SWT1: variants seen among roughly 807,000 people sequenced by gnomAD.
SWT1 encodes the protein transcriptional protein SWT1.
In SWT1, 33 loss-of-function variants were observed where a neutral mutation model predicts 107.3. The ratio of observed to expected loss-of-function variants is 0.31; its 90% confidence interval spans 0.23 to 0.41. The LOEUF (loss-of-function observed/expected upper bound fraction) is 0.41. SWT1 is among the 10% of genes least tolerant of loss of function. The probability of loss-of-function intolerance (pLI) is 1.00; values close to 1 mark genes in which losing one functional copy is unlikely to be tolerated. For missense variants in SWT1, 898 were observed against 1,028.9 expected (o/e 0.87, Z 1.74); for synonymous variants, 345 against 348.3 (o/e 0.99, Z 0.11).
At chr1:185,187,566 G>T (rs1347319082) in intron 9 of SWT1, among the ~76,000 whole-genome samples, 2 of 152,028 alleles carry the variant, frequency 1.3e-5, no homozygotes, top group East Asian at 3.9e-4. Context: ...CTGTTGAGGA[G>T]GTTAAATTCT....
intron 16 of SWT1, among the ~76,000 whole-genome samples, chr1:185,269,781 T>C (rs994787718): frequency 2.0e-5 from 3 of 152,232 alleles, no homozygotes; most frequent in African/African-American, 4.8e-5. Flanking sequence ...TTCCAACTTA[T>C]AATGGTTTGT....
At chr1:185,229,317 G>T (rs149482980) in intron 15 of SWT1, among the ~76,000 whole-genome samples, 17 of 152,218 alleles carry the variant, frequency 1.1e-4, no homozygotes, top group Non-Finnish European at 8.8e-5. Context: ...CAGCTCAAGA[G>T]ACAGGAGCAA....
At position 185,276,675 on chromosome 1, in the gene SWT1, C is replaced by A; in HGVS notation, c.2573+7C>A. On this transcript the variant is annotated splice_region_variant and intron_variant, in intron 18 of 18. Transcript: ENST00000367500. The stretch of plus-strand genomic sequence containing the variant: ...TTTCTCAGACTGAGTATAGGTAAGT[C>A]ATATCTATATATAGATATAAACCAT... 1 of 1,501,742 alleles carries A rather than the reference C, an allele frequency of 6.7e-7. No homozygotes were observed. Among genetic ancestry groups the A allele is most frequent in the South Asian group, 1.2e-5 (1 of 84,978 alleles). 93.0% of individuals were successfully genotyped at this position (1,501,742 alleles called of 1,614,324 possible).
intron 5 of SWT1, among the ~76,000 whole-genome samples, chr1:185,175,806 G>A (rs1655497835): frequency 6.6e-6 from 1 of 152,174 alleles, no homozygotes; most frequent in Admixed American, 6.5e-5. Context: ...GTGTCACCGT[G>A]TACCAGGCAC....
At chr1:185,237,234 A>G (rs1262237749) in intron 16 of SWT1, among the ~76,000 whole-genome samples, 2 of 152,210 alleles carry the variant, frequency 1.3e-5, no homozygotes, top group African/African-American at 2.4e-5. Flanking sequence ...TCATTCCACT[A>G]TAAAAACACA....
chr1:185,215,457 A>G (rs1659144208), intron 14 of SWT1, among the ~76,000 whole-genome samples: 2 of 152,190 alleles, frequency 1.3e-5, no homozygotes, highest in South Asian at 4.1e-4. Context: ...CAATTTGTGA[A>G]GTTTTTAACA....
chr1:185,174,516 C>T lies in SWT1; in HGVS notation c.369C>T (p.Asp123=). The T allele has an allele frequency of 1.2e-6, 2 of 1,610,992 alleles. No individual in the cohort carries two copies. The highest frequency in any genetic ancestry group is 1.7e-6 in the Non-Finnish European group (2 of 1,178,976). The change falls in exon 5 of 19, where the codon GAC becomes GAT. Residue 123 remains aspartate (D), a synonymous_variant. Coordinates refer to ENST00000367500, the MANE Select transcript of SWT1 (RefSeq NM_017673.7). ...CTTCTTCAAATGGAACTAAAAAAGA[C>T]ATACATAAATGTGTAGACTTTAAAC... The part of the protein sequence containing the change: ...QSPSSNGTKK[D]IHKCVDFKPK...
intron 12 of SWT1, 92 bp from the exon 13 acceptor site, chr1:185,206,533 T>G: frequency 2.9e-6 from 2 of 701,414 alleles, no homozygotes; most frequent in East Asian, 3.2e-5. Flanking sequence ...TATATTTTGC[T>G]CAAAATATAT....
chr1:185,240,487 C>T (rs1404575472), intron 16 of SWT1, among the ~76,000 whole-genome samples: 3 of 151,932 alleles, frequency 2.0e-5, no homozygotes, highest in South Asian at 2.1e-4. Flanking sequence ...AAAGATATCT[C>T]AAGTGTATAT....
chr1:185,270,942 A>G (rs1000023157), intron 16 of SWT1, among the ~76,000 whole-genome samples: 6 of 152,198 alleles, frequency 3.9e-5, no homozygotes, highest in Non-Finnish European at 7.3e-5. Context: ...TCTGTGGGAA[A>G]TACTCAAGCT....
intron 16 of SWT1, among the ~76,000 whole-genome samples, chr1:185,265,758 C>T (rs556527053): frequency 6.6e-6 from 1 of 152,264 alleles, no homozygotes; most frequent in East Asian, 1.9e-4. Context: ...TTAGTGGATG[C>T]TCGATAAATG....
intron 12 of SWT1, 60 bp downstream of exon 12, chr1:185,204,923 T>C: frequency 1.0e-6 from 1 of 954,054 alleles, no homozygotes; most frequent in Non-Finnish European, 1.5e-6. Flanking sequence ...ATTTGTTATC[T>C]TAAGAAATAT....
chr1:185,255,979 A>G (rs1240776437), intron 16 of SWT1, among the ~76,000 whole-genome samples: 20 of 151,914 alleles, frequency 1.3e-4, no homozygotes, highest in African/African-American at 3.6e-4. Context: ...AGGCCTGGTG[A>G]TGACAAAATC....
chr1:185,162,384 T>C (rs1654225748), intron 2 of SWT1, among the ~76,000 whole-genome samples: 1 of 152,214 alleles, frequency 6.6e-6, no homozygotes. Context: ...CAAAGCTTTT[T>C]GTTTTTCTCT....
chr1:185,183,871 A>G (rs1433584903), intron 7 of SWT1, among the ~76,000 whole-genome samples: 1 of 152,146 alleles, frequency 6.6e-6, no homozygotes, highest in Admixed American at 6.5e-5. Flanking sequence ...GCTCTCAAAA[A>G]CATTCTCCAT....
Position 185,281,101 on chromosome 1 carries a change from G to A in SWT1, c.2573+4433G>A, listed in dbSNP as rs544272944. 8 of 252,582 alleles carry A rather than the reference G, an allele frequency of 3.2e-5. No individual in the cohort carries two copies. In the South Asian group the frequency reaches 3.2e-4, roughly 10 times the overall value. The allele number at this position is 252,582 out of a possible 1,614,324, so 15.6% of individuals were successfully genotyped here. ...ATTATTTGGAAAACATTTATGGATT[G>A]TTTAAGAAGGTAAATAAATGCCAGA... On this transcript the variant is annotated intron_variant, in intron 18 of 18. Coordinates refer to ENST00000367500, the MANE Select transcript of SWT1 (RefSeq NM_017673.7).
Position 185,271,331 on chromosome 1 carries a change from C to G in SWT1, c.2450C>G (p.Ala817Gly), listed in dbSNP as rs747724700. 5 of 1,512,736 alleles carry G rather than the reference C, an allele frequency of 3.3e-6. No homozygotes were observed. The highest frequency in any genetic ancestry group is 2.8e-6 in the Non-Finnish European group (3 of 1,089,690). The allele number at this position is 1,512,736 out of a possible 1,614,324, so 93.7% of individuals were successfully genotyped here. A position where few individuals can be genotyped will look rare whatever the true frequency, so the allele number is the denominator to read the frequency against. Reference protein sequence around the residue: ...DILEGIQRILAPNSNYQDVET... With the variant: ...DILEGIQRILGPNSNYQDVET... ...TTTATTTTATTTTTTAGGATTTTGG[C>G]CCCAAACAGTAATTATCAAGATGTT... is the stretch of plus-strand genomic sequence containing the variant. Residue 817 changes from alanine (A) to glycine (G), a missense_variant, in exon 17 of 19, where the codon GCC (alanine) becomes GGC (glycine). Transcript: ENST00000367500.
chr1:185,184,784 C>T lies in SWT1; in HGVS notation c.1282C>T (p.Gln428Ter). 1 of 1,610,306 alleles carries T rather than the reference C, an allele frequency of 6.2e-7. No homozygotes were observed. Among genetic ancestry groups the T allele is most frequent in the Non-Finnish European group, 8.5e-7 (1 of 1,178,538 alleles). Residue 428 changes from glutamine to a stop codon, truncating the protein, a stop_gained, in exon 9 of 19, where the codon CAA (glutamine) becomes TAA (stop). Coordinates refer to ENST00000367500, the MANE Select transcript of SWT1 (RefSeq NM_017673.7). LOFTEE classifies it high-confidence loss of function. ...GTTAATAATTCCCTGGGTCGTTATG[C>T]AAGAGCTAGATCGTATGAAGGAAGG... ...LVLIIPWVVM[Q>*]ELDRMKEGKL...
intron 16 of SWT1, among the ~76,000 whole-genome samples, chr1:185,269,138 C>T (rs1266066302): frequency 1.3e-5 from 2 of 152,136 alleles, no homozygotes; most frequent in Non-Finnish European, 2.9e-5. Context: ...AGGCGTGAGC[C>T]ACCGCGCCTG....
Sources: allele counts gnomAD v4.1 joint callset (sites outside exome capture counted in the v4.1 genomes callset), GRCh38; gene constraint gnomAD v4.1.1; transcripts MANE v1.5; gene names NCBI Gene and HGNC (gene_info 2026-07-23, HGNC 2026-07-21).